EP300: variants seen among roughly 807,000 people sequenced by gnomAD.
The protein encoded by EP300 is EP300 lysine acetyltransferase.
EP300 carries 31 observed loss-of-function variants against 264.0 expected under a neutral mutation model. That is an observed-to-expected ratio of 0.12 (90% confidence interval 0.09 to 0.16). The LOEUF is 0.16. Among genes scored for constraint, EP300 ranks in the 10% least tolerant of loss-of-function variants. The pLI, the probability that EP300 is intolerant of heterozygous loss-of-function variation, is 1.00. For missense variants in EP300, 2,766 were observed against 3,052.9 expected, an observed-to-expected ratio of 0.91 and a Z score of 2.21; for synonymous variants, 1,340 against 1,045.4, an observed-to-expected ratio of 1.28 and a Z score of -5.44.
chr22:41,166,424 TTA>T (rs1428152403), intron 22 of EP300, among the ~76,000 whole-genome samples, 173 bp from the exon 23 acceptor site: 38 of 152,258 alleles, frequency 2.5e-4, no homozygotes, highest in Non-Finnish European at 7.3e-5. Flanking sequence ...TGATTTTCAA[TTA>T]TCTTTTTTAT....
At chr22:41,151,808 C>G in intron 14 of EP300, 25 bp from the exon 15 acceptor site, 1 of 1,613,268 alleles carries the variant, frequency 6.2e-7, no homozygotes, top group Non-Finnish European at 8.5e-7. Context: ...TGTGTCTCAC[C>G]TACTTCCCTT....
intron 4 of EP300, among the ~76,000 whole-genome samples, chr22:41,128,672 C>T (rs745600705): frequency 7.2e-5 from 11 of 151,922 alleles, no homozygotes; most frequent in East Asian, 1.9e-4. Context: ...CCACCATGCC[C>T]GGCTAATTTT....
rs764485471 is a variant in EP300, at chr22:41,151,996, C to T, written c.2981C>T (p.Pro994Leu). Reference protein sequence around the residue: ...VDQPEPADTQPEDISESKVED... With the variant: ...VDQPEPADTQLEDISESKVED... ...CAACCAGAACCAGCAGATACTCAGC[C>T]GGAGGATATTTCAGAGGTGAGAGTA... Residue 994 changes from proline to leucine, a missense_variant, in exon 15 of 31, where the codon CCG becomes CTG. Coordinates refer to ENST00000263253, the MANE Select transcript of EP300 (RefSeq NM_001429.4). The T allele has an allele frequency of 6.8e-6, 11 of 1,613,926 alleles. No homozygotes were observed. Among genetic ancestry groups the T allele is most frequent in the Admixed American group, 3.3e-5 (2 of 59,974 alleles).
chr22:41,153,244 T>C (rs553034019), intron 16 of EP300, among the ~76,000 whole-genome samples: 1 of 152,270 alleles, frequency 6.6e-6, no homozygotes, highest in South Asian at 2.1e-4. Flanking sequence ...ACTAGAACTT[T>C]TGTGGCTCTA....
At chr22:41,150,669 A>C (rs1251175568) in intron 14 of EP300, among the ~76,000 whole-genome samples, 3 of 152,052 alleles carry the variant, frequency 2.0e-5, no homozygotes, top group Admixed American at 6.6e-5. Context: ...CAGGCAGATC[A>C]CTTGAGGTCA....
intron 1 of EP300, chr22:41,108,083 G>A (rs2058767853): frequency 1.3e-5 from 2 of 151,304 alleles, no homozygotes; most frequent in South Asian, 2.1e-4. Flanking sequence ...GACAACAAGG[G>A]TGATCTACAG....
intron 18 of EP300, among the ~76,000 whole-genome samples, chr22:41,157,926 G>T (rs1359663520): frequency 6.6e-6 from 1 of 152,214 alleles, no homozygotes; most frequent in Non-Finnish European, 1.5e-5. Flanking sequence ...TGGAAAAGTT[G>T]ACTAATTAAA....
chr22:41,171,780 T>A (rs2059172239), intron 27 of EP300, among the ~76,000 whole-genome samples: 1 of 151,686 alleles, frequency 6.6e-6, no homozygotes, highest in Non-Finnish European at 1.5e-5. Flanking sequence ...CCAGGCTAAT[T>A]TTTTCTATTT....
chr22:41,176,126 G>A (rs1311039971), intron 29 of EP300, 121 bp from the exon 30 acceptor site: 2 of 1,134,278 alleles, frequency 1.8e-6, no homozygotes, highest in African/African-American at 1.5e-5. Context: ...AGGCCATGGT[G>A]GGATAATTGC....
chr22:41,122,044 A>G (rs1765494886), intron 2 of EP300, among the ~76,000 whole-genome samples: 2 of 152,118 alleles, frequency 1.3e-5, no homozygotes, highest in Non-Finnish European at 2.9e-5. Flanking sequence ...CAGATTTGTA[A>G]CTACCAAAAG....
At chr22:41,119,237 C>G (rs1203692848) in intron 2 of EP300, among the ~76,000 whole-genome samples, 2 of 133,686 alleles carry the variant, frequency 1.5e-5, no homozygotes, top group Non-Finnish European at 3.1e-5. Flanking sequence ...TCAGGCTAAT[C>G]TCAAACTCCT....
chr22:41,156,603 C>A (rs1387844842), intron 17 of EP300, among the ~76,000 whole-genome samples: 1 of 152,064 alleles, frequency 6.6e-6, no homozygotes, highest in South Asian at 2.1e-4. Flanking sequence ...CGCCTGTAAT[C>A]CTGGCTACTT....
chr22:41,153,245 T>A (rs1475087457), intron 16 of EP300, among the ~76,000 whole-genome samples: 1 of 152,172 alleles, frequency 6.6e-6, no homozygotes, highest in Non-Finnish European at 1.5e-5. Context: ...CTAGAACTTT[T>A]GTGGCTCTAG....
intron 6 of EP300, among the ~76,000 whole-genome samples, chr22:41,133,781 TAAC>T (rs1240701473): frequency 6.6e-6 from 1 of 152,198 alleles, no homozygotes; most frequent in African/African-American, 2.4e-5. Context: ...TACTATATAA[TAAC>T]AGTATTTTCA....
At chr22:41,165,292 A>G (rs2059128011) in intron 22 of EP300, among the ~76,000 whole-genome samples, 1 of 152,190 alleles carries the variant, frequency 6.6e-6, no homozygotes, top group South Asian at 2.1e-4. Flanking sequence ...CTTAAAAGTA[A>G]TTTATGTTCA....
intron 19 of EP300, 188 bp from the exon 20 acceptor site, chr22:41,160,454 A>C (rs938793743): frequency 9.0e-6 from 5 of 554,690 alleles, no homozygotes; most frequent in Admixed American, 3.3e-5. Flanking sequence ...AAAAACAAAC[A>C]AAAAAACCAA....
At chr22:41,139,904 T>C (rs530260716) in intron 8 of EP300, among the ~76,000 whole-genome samples, 1 of 152,328 alleles carries the variant, frequency 6.6e-6, no homozygotes, top group African/African-American at 2.4e-5. Context: ...TTGCTTTATG[T>C]CTAGAGTAAC....
At chr22:41,098,806 T>G (rs1478512866) in intron 1 of EP300, among the ~76,000 whole-genome samples, 1 of 152,156 alleles carries the variant, frequency 6.6e-6, no homozygotes, top group Non-Finnish European at 1.5e-5. Context: ...AACTGTGAAC[T>G]TTGGGCCAAA....
intron 20 of EP300, 54 bp from the exon 21 acceptor site, chr22:41,162,669 T>C (rs1308080881): frequency 1.4e-6 from 2 of 1,419,974 alleles, no homozygotes; most frequent in African/African-American, 2.8e-5. Context: ...AGAACAGCAG[T>C]CAGATTGCTC....
Sources: allele counts gnomAD v4.1 joint callset (sites outside exome capture counted in the v4.1 genomes callset), GRCh38; gene constraint gnomAD v4.1.1; transcripts MANE v1.5; gene names NCBI Gene and HGNC (gene_info 2026-07-23, HGNC 2026-07-21).